CANX: variants seen among roughly 807,000 people sequenced by gnomAD.
CANX encodes the protein calnexin, also known as epididymis secretory sperm binding protein.
CANX carries 14 observed loss-of-function variants against 75.7 expected under a neutral mutation model. The observed-to-expected ratio is 0.19, with a 90% CI of 0.12 to 0.29. CANX has a LOEUF of 0.29. Ranked by LOEUF, CANX falls within the 10% of genes least tolerant of loss-of-function variation. The pLI, the probability that CANX is intolerant of heterozygous loss-of-function variation, is 1.00. For missense variants in CANX, 567 were observed against 713.2 expected (o/e 0.79, Z 2.34); for synonymous variants, 227 against 236.9 (o/e 0.96, Z 0.38).
chr5:179,713,348 A>G (rs1777709383), intron 7 of CANX, among the ~76,000 whole-genome samples: 1 of 152,228 alleles, frequency 6.6e-6, no homozygotes, highest in Admixed American at 6.6e-5. Flanking sequence ...CTAGGATTAC[A>G]GGCGTGAGCC....
intron 10 of CANX, among the ~76,000 whole-genome samples, chr5:179,720,819 T>C (rs935956994): frequency 3.9e-5 from 6 of 152,122 alleles, no homozygotes; most frequent in Non-Finnish European, 7.3e-5. Flanking sequence ...AGTTTCGCTC[T>C]TCTACCCAGG....
intron 3 of CANX, 22 bp downstream of exon 3, chr5:179,706,353 A>G (rs1223910465): frequency 2.3e-6 from 3 of 1,327,664 alleles, no homozygotes; most frequent in Admixed American, 1.8e-5. Context: ...CCAGAGAAAT[A>G]TATGTTAGAG....
chr5:179,708,169 T>A, intron 4 of CANX, 70 bp from the exon 5 acceptor site: 1 of 1,264,888 alleles, frequency 7.9e-7, no homozygotes, highest in East Asian at 2.4e-5. Context: ...CTAGGAGGTG[T>A]TTTTTTTGGC....
chr5:179,687,570 CT>C (rs1428072426), intron 1 of CANX, among the ~76,000 whole-genome samples: 3 of 152,080 alleles, frequency 2.0e-5, no homozygotes, highest in African/African-American at 7.2e-5. Context: ...CAAATAAACC[CT>C]CATGCTCACT....
chr5:179,698,466 G>C, upstream of CANX: 1 of 1,289,148 alleles, frequency 7.8e-7, no homozygotes, highest in Non-Finnish European at 1.0e-6. Flanking sequence ...GCTCACGCCC[G>C]TAGGGGCCCG....
chr5:179,718,895 C>G (rs1462465299), intron 8 of CANX, among the ~76,000 whole-genome samples: 1 of 150,600 alleles, frequency 6.6e-6, no homozygotes, highest in East Asian at 2.0e-4. Context: ...GAACTCCTGT[C>G]CTCAGGTGAT....
At chr5:179,694,650 G>C (rs1581825046), upstream of CANX, 1 of 798,934 alleles carries the variant, frequency 1.3e-6, no homozygotes, top group East Asian at 2.4e-5. Context: ...CGAGAAGGAT[G>C]TTGCTGATTC....
chr5:179,705,143 T>A (rs1338070528), intron 1 of CANX, among the ~76,000 whole-genome samples: 1 of 152,000 alleles, frequency 6.6e-6, no homozygotes, highest in African/African-American at 2.4e-5. Context: ...CCGCTATCGC[T>A]CCCAGCTAAT....
intron 1 of CANX, among the ~76,000 whole-genome samples, chr5:179,682,888 G>T (rs1187557696): frequency 3.3e-5 from 5 of 152,116 alleles, no homozygotes; most frequent in Admixed American, 3.3e-4. Flanking sequence ...CCAATCCCTT[G>T]AAGACCTGGG....
chr5:179,728,669 G>A lies in CANX; in HGVS notation c.*25G>A. On this transcript the variant is annotated 3_prime_UTR_variant, in exon 15 of 15. Coordinates refer to ENST00000247461, the MANE Select transcript of CANX (RefSeq NM_001746.4). ...AAACAATCTTAAGAGCTTGATCTGT[G>A]ATTTCTTCTCCCTCCTCCCCTGCAA... is the stretch of plus-strand genomic sequence containing the variant. 1 of 1,563,328 alleles carries A rather than the reference G, an allele frequency of 6.4e-7. No homozygotes were observed. Among genetic ancestry groups the A allele is most frequent in the East Asian group, 2.2e-5 (1 of 44,574 alleles).
At chr5:179,680,538 A>G (rs989839663) in intron 1 of CANX, among the ~76,000 whole-genome samples, 1 of 152,102 alleles carries the variant, frequency 6.6e-6, no homozygotes, top group African/African-American at 2.4e-5. Flanking sequence ...GGTGTGTGCC[A>G]TGGGCTAGAC....
intron 1 of CANX, among the ~76,000 whole-genome samples, chr5:179,688,655 G>A (rs552999613): frequency 3.3e-5 from 5 of 151,196 alleles, no homozygotes; most frequent in African/African-American, 9.7e-5. Context: ...GAGCCACTGC[G>A]CCCGGCCGCC....
At chr5:179,706,192 G>T in intron 2 of CANX, 66 bp from the exon 3 acceptor site, 1 of 913,942 alleles carries the variant, frequency 1.1e-6, no homozygotes. Flanking sequence ...CAGGAGAATA[G>T]ATTCTAGATA....
Position 179,679,948 on chromosome 5 carries a change from T to C in CANX, c.-4+1171T>C, listed in dbSNP as rs73338111. Among the ~76,000 whole-genome samples the C allele has an allele frequency of 9.6e-3, 1,371 of 142,754 alleles. 36 individuals are homozygous for C. Among genetic ancestry groups the C allele is most frequent in the African/African-American group, 0.033 (1,293 of 38,960 alleles). 93.7% of individuals were successfully genotyped at this position (142,754 alleles called of 152,430 possible). A position where few individuals can be genotyped will look rare whatever the true frequency, so the allele number is the denominator to read the frequency against. On this transcript the variant is annotated intron_variant, in intron 1 of 14. Transcript: ENST00000681674. ...TGCCCGGATTACAGGCATGAGTCAC[T>C]GCGCCTGGCCTTTTTTTTTTTTTTT...
rs964612182 is a variant in CANX at position 179,705,690 on chromosome 5, G to A, written c.9G>A (p.Gly3=). The change falls in exon 2 of 15, where the codon GGG becomes GGA. Residue 3 remains glycine, a synonymous_variant. Transcript: ENST00000247461. ...CTCTTTATGTGTAGATCATGGAAGGGAAGTGGTTGCTGTGTATGTTACTGG... is the reference window on the plus strand; with the variant it reads ...CTCTTTATGTGTAGATCATGGAAGGAAAGTGGTTGCTGTGTATGTTACTGG... ME[G]KWLLCMLLVL... is the part of the protein sequence containing the mutation. The A allele has an allele frequency of 1.3e-6, 2 of 1,524,506 alleles. No homozygotes were observed. The highest frequency in any genetic ancestry group is 8.8e-7 in the Non-Finnish European group (1 of 1,131,834). The allele number at this position is 1,524,506 out of a possible 1,614,324, so 94.4% of individuals were successfully genotyped here. A position where few individuals can be genotyped will look rare whatever the true frequency, so the allele number is the denominator to read the frequency against.
chr5:179,708,436 A>G (rs1201999297), intron 5 of CANX, 56 bp downstream of exon 5: 1 of 1,500,836 alleles, frequency 6.7e-7, no homozygotes, highest in East Asian at 2.3e-5. Flanking sequence ...CTTAGAAGAC[A>G]TTATGTAACT....
intron 5 of CANX, 133 bp downstream of exon 5, chr5:179,708,513 C>A: frequency 1.5e-6 from 1 of 668,494 alleles, no homozygotes; most frequent in Non-Finnish European, 2.4e-6. Context: ...TGAATTTAAA[C>A]ACCTTGTAAT....
chr5:179,724,650 A>T lies in CANX; in HGVS notation c.1519-7A>T, dbSNP rs762039106. The stretch of plus-strand genomic sequence containing the variant: ...TAAACAAAATTGTACTTTGGGGAAC[A>T]TTTCAGAAACAGACCAGTGGTATGG... On this transcript the variant is annotated splice_region_variant and splice_polypyrimidine_tract_variant and intron_variant, in intron 12 of 14. Transcript: ENST00000247461. 15 of 1,610,780 alleles carry T rather than the reference A, an allele frequency of 9.3e-6. No individual in the cohort carries two copies. The highest frequency in any genetic ancestry group is 1.3e-5 in the Non-Finnish European group (15 of 1,178,538).
upstream of CANX, among the ~76,000 whole-genome samples, chr5:179,697,953 A>G (rs1398586175): frequency 2.6e-5 from 4 of 152,152 alleles, no homozygotes; most frequent in Admixed American, 6.6e-5. Context: ...TGCAAACACC[A>G]AACCCTGCCT....
Sources: allele counts gnomAD v4.1 joint callset (sites outside exome capture counted in the v4.1 genomes callset), GRCh38; gene constraint gnomAD v4.1.1; transcripts MANE v1.5; gene names NCBI Gene and HGNC (gene_info 2026-07-23, HGNC 2026-07-21).